The following GALNT13 variants were observed in gnomAD, a reference collection of about 807,000 sequenced individuals.
The protein encoded by GALNT13 is UDP-GalNAc:polypeptide N-acetylgalactosaminyltransferase 13.
GALNT13 carries 28 observed loss-of-function variants against 64.2 expected under a neutral mutation model. The observed-to-expected ratio is 0.44, with a 90% CI of 0.32 to 0.60. GALNT13 has a LOEUF of 0.60. Among genes scored for constraint, GALNT13 ranks in the 20% least tolerant of loss-of-function variants. GALNT13 has a pLI of 0.05. For synonymous variants in GALNT13, 214 were observed against 224.6 expected, an observed-to-expected ratio of 0.95 and a Z score of 0.42; for missense variants, 577 against 669.8, an observed-to-expected ratio of 0.86 and a Z score of 1.53.
rs1377992924 is a variant in GALNT13, at chr2:154,039,577, A to G, written c.142+94938A>G. Among the ~76,000 whole-genome samples the G allele has an allele frequency of 2.2e-5, 3 of 139,334 alleles. 1 individual carries two copies. The highest frequency in any genetic ancestry group is 4.9e-5 in the Non-Finnish European group (3 of 60,780). 91.4% of individuals were successfully genotyped at this position (139,334 alleles called of 152,430 possible). A position where few individuals can be genotyped will look rare whatever the true frequency, so the allele number is the denominator to read the frequency against. On this transcript the variant is annotated intron_variant, in intron 3 of 12. Coordinates refer to ENST00000392825, the MANE Select transcript of GALNT13 (RefSeq NM_052917.4). Reference sequence around the variant, plus strand: ...AAAAAACAAAAATGAGTTTATAGAAATAGAGAGTAGAATTACAGTTGTTAG... The same window carrying G: ...AAAAAACAAAAATGAGTTTATAGAAGTAGAGAGTAGAATTACAGTTGTTAG...
the GALNT13 span, among the ~76,000 whole-genome samples, chr2:153,341,174 T>G: frequency 1.8e-4 from 28 of 152,240 alleles, no homozygotes; most frequent in Non-Finnish European, 3.4e-4. Flanking sequence ...CATTTCTTTC[T>G]TTACAAAGTT....
At chr2:153,278,999 T>C in the GALNT13 span, among the ~76,000 whole-genome samples, 1 of 152,212 alleles carries the variant, frequency 6.6e-6, no homozygotes, top group African/African-American at 2.4e-5. Context: ...CATGGAATGA[T>C]TTACCATTTG....
chr2:153,551,184 G>A, the GALNT13 span, among the ~76,000 whole-genome samples: 6 of 152,122 alleles, frequency 3.9e-5, no homozygotes, highest in Non-Finnish European at 7.3e-5. Context: ...GTAGGTTATC[G>A]CCTAGGGGGA....
intron 9 of GALNT13, among the ~76,000 whole-genome samples, chr2:154,333,214 A>T (rs1235701537): frequency 6.6e-6 from 1 of 152,080 alleles, no homozygotes; most frequent in African/African-American, 2.4e-5. Flanking sequence ...GAAAATAAAT[A>T]CAAGAATTTT....
intron 3 of GALNT13, among the ~76,000 whole-genome samples, chr2:154,006,810 A>AGGG (rs1278732957): frequency 6.6e-6 from 1 of 152,166 alleles, no homozygotes; most frequent in Non-Finnish European, 1.5e-5. Flanking sequence ...GAGCTTAACT[A>AGGG]CCCAAGCTTT....
chr2:154,137,647 TCTG>T (rs1683030406), intron 3 of GALNT13, among the ~76,000 whole-genome samples: 1 of 152,212 alleles, frequency 6.6e-6, no homozygotes, highest in East Asian at 1.9e-4. Context: ...ATCAAATACT[TCTG>T]TGTGCTTTAA....
the GALNT13 span, among the ~76,000 whole-genome samples, chr2:153,220,272 A>G: frequency 6.6e-6 from 1 of 152,180 alleles, no homozygotes; most frequent in Non-Finnish European, 1.5e-5. Context: ...ATTGTGTGAC[A>G]CTCTAAAATA....
At chr2:154,276,860 G>T (rs889405879) in intron 8 of GALNT13, among the ~76,000 whole-genome samples, 1 of 152,138 alleles carries the variant, frequency 6.6e-6, no homozygotes, top group African/African-American at 2.4e-5. Context: ...TCCCCCTTTT[G>T]CTGGGTGCTT....
At chr2:154,153,923 G>A (rs1256642488) in intron 4 of GALNT13, among the ~76,000 whole-genome samples, 1 of 152,182 alleles carries the variant, frequency 6.6e-6, no homozygotes. Context: ...GCTCACGCAG[G>A]ATGCGCTGCA....
At chr2:153,653,275 G>A in the GALNT13 span, among the ~76,000 whole-genome samples, 1 of 152,158 alleles carries the variant, frequency 6.6e-6, no homozygotes, top group East Asian at 1.9e-4. Flanking sequence ...GCTCAGCAAA[G>A]CTTCAGCTAA....
the GALNT13 span, among the ~76,000 whole-genome samples, chr2:153,684,592 A>T: frequency 6.6e-6 from 1 of 151,742 alleles, no homozygotes; most frequent in Non-Finnish European, 1.5e-5. Context: ...TTATGTGTTT[A>T]TTCCTGATTG....
At chr2:154,367,986 T>C (rs568533473) in intron 9 of GALNT13, among the ~76,000 whole-genome samples, 1 of 152,296 alleles carries the variant, frequency 6.6e-6, no homozygotes, top group Admixed American at 6.5e-5. Flanking sequence ...AATAAAAATA[T>C]GTAGTATTTG....
chr2:153,920,443 A>AAAC (rs1689677100), intron 2 of GALNT13, among the ~76,000 whole-genome samples: 1 of 152,132 alleles, frequency 6.6e-6, no homozygotes, highest in African/African-American at 2.4e-5. Context: ...CAGAAGATTA[A>AAAC]AACTGGGCCC....
At chr2:154,446,983 G>T (rs935672378) in intron 12 of GALNT13, among the ~76,000 whole-genome samples, 1 of 150,410 alleles carries the variant, frequency 6.6e-6, no homozygotes, top group African/African-American at 2.4e-5. Flanking sequence ...GGGTTTTTTT[G>T]TTTTTTTTCT....
chr2:153,314,090 T>C, the GALNT13 span, among the ~76,000 whole-genome samples: 1 of 152,092 alleles, frequency 6.6e-6, no homozygotes, highest in Non-Finnish European at 1.5e-5. Flanking sequence ...AATATAGGCA[T>C]TATAAAAATA....
At chr2:153,551,378 C>G in the GALNT13 span, among the ~76,000 whole-genome samples, 1 of 152,160 alleles carries the variant, frequency 6.6e-6, no homozygotes, top group East Asian at 1.9e-4. Context: ...GGATATTAGA[C>G]AATCACTCTG....
chr2:154,052,930 G>C (rs985685599), intron 3 of GALNT13, among the ~76,000 whole-genome samples: 2 of 151,750 alleles, frequency 1.3e-5, no homozygotes, highest in Non-Finnish European at 1.5e-5. Context: ...GTAGAGAGGG[G>C]GTTTCACCAT....
At chr2:153,459,459 C>CA in the GALNT13 span, among the ~76,000 whole-genome samples, 15 of 151,420 alleles carry the variant, frequency 9.9e-5, no homozygotes, top group South Asian at 2.1e-4. Flanking sequence ...AACAACAATA[C>CA]AAAAAAAACA....
At chr2:153,246,281 T>A in the GALNT13 span, among the ~76,000 whole-genome samples, 1 of 151,992 alleles carries the variant, frequency 6.6e-6, no homozygotes, top group African/African-American at 2.4e-5. Context: ...AAAATTCAAA[T>A]TCAGAAAATA....
Sources: allele counts gnomAD v4.1 joint callset (sites outside exome capture counted in the v4.1 genomes callset), GRCh38; gene constraint gnomAD v4.1.1; transcripts MANE v1.5; gene names NCBI Gene and HGNC (gene_info 2026-07-23, HGNC 2026-07-21).